Variants in CDK15 observed in about 807,000 individuals in gnomAD.
CDK15 encodes cyclin dependent kinase 15.
Under a neutral mutation model 60.3 loss-of-function variants are expected in CDK15, and 62 were observed. The observed-to-expected ratio is 1.03, with a 90% CI of 0.84 to 1.27. The LOEUF (loss-of-function observed/expected upper bound fraction) is 1.27, where lower values mean the gene tolerates loss of function less well. Among genes scored for constraint, CDK15 ranks in the 50% most tolerant of loss-of-function variants. CDK15 has a pLI of 0.00. For missense variants in CDK15, 541 were observed against 527.8 expected (o/e 1.03, Z -0.25); for synonymous variants, 194 against 195.7 (o/e 0.99, Z 0.07).
chr2:201,872,224 C>T, intron 10 of CDK15, 54 bp from the exon 11 acceptor site: 3 of 1,563,052 alleles, frequency 1.9e-6, no homozygotes, highest in Non-Finnish European at 2.6e-6. Flanking sequence ...GTATATTTGG[C>T]AACAGGGTTT....
At chr2:201,887,745 C>T (rs1173155444) in intron 12 of CDK15, among the ~76,000 whole-genome samples, 3 of 152,170 alleles carry the variant, frequency 2.0e-5, no homozygotes, top group African/African-American at 4.8e-5. Context: ...CTGCTTTAAT[C>T]GGAAATGTAT....
At chr2:201,871,073 G>A (rs1698835891) in intron 10 of CDK15, among the ~76,000 whole-genome samples, 1 of 152,076 alleles carries the variant, frequency 6.6e-6, no homozygotes, top group African/African-American at 2.4e-5. Flanking sequence ...CACCTATTTT[G>A]GAATATTCAA....
rs1367773330 is a variant in CDK15, at chr2:201,824,691, G to T, written c.606+964G>T. ...GAGTTAATAGTTCTAATGGAATGGT[G>T]AACCCAAGAGCCATATCAGCGCTAG... is the stretch of plus-strand genomic sequence containing the variant. On this transcript the variant is annotated intron_variant, in intron 6 of 13. Coordinates refer to ENST00000652192, the MANE Select transcript of CDK15 (RefSeq NM_001366386.2). 4 of 387,600 alleles carry T rather than the reference G, an allele frequency of 1.0e-5. No individual in the cohort carries two copies. In the East Asian group the frequency reaches 2.7e-4, roughly 27 times the overall value. The allele number at this position is 387,600 out of a possible 1,614,324, so 24.0% of individuals were successfully genotyped here. A position where few individuals can be genotyped will look rare whatever the true frequency, so the allele number is the denominator to read the frequency against.
chr2:201,818,302 C>G (rs558243220), intron 4 of CDK15, among the ~76,000 whole-genome samples: 6 of 152,104 alleles, frequency 3.9e-5, no homozygotes, highest in Non-Finnish European at 8.8e-5. Flanking sequence ...TCCTCTGGAG[C>G]CTTAAAGACA....
intron 6 of CDK15, among the ~76,000 whole-genome samples, chr2:201,827,515 G>A (rs1696561553): frequency 6.6e-6 from 1 of 152,134 alleles, no homozygotes. Context: ...TGAGTTGAGA[G>A]AAAATAATAT....
chr2:201,807,150 A>G (rs1695545508), intron 1 of CDK15, among the ~76,000 whole-genome samples: 1 of 152,184 alleles, frequency 6.6e-6, no homozygotes, highest in South Asian at 2.1e-4. Flanking sequence ...CATGATTATT[A>G]GCAATGCCAT....
At chr2:201,874,115 G>A (rs1183834895) in intron 11 of CDK15, among the ~76,000 whole-genome samples, 1 of 150,634 alleles carries the variant, frequency 6.6e-6, no homozygotes, top group African/African-American at 2.5e-5. Flanking sequence ...GGTGTTTAGA[G>A]GTATGTTGTC....
At chr2:201,816,444 C>T (rs1182711599) in intron 4 of CDK15, among the ~76,000 whole-genome samples, 6 of 139,484 alleles carry the variant, frequency 4.3e-5, no homozygotes, top group Non-Finnish European at 7.5e-5. Flanking sequence ...CATGTTGCTG[C>T]TAAGGAAATG....
intron 6 of CDK15, among the ~76,000 whole-genome samples, chr2:201,826,983 C>T (rs1696537028): frequency 6.6e-6 from 1 of 152,190 alleles, no homozygotes; most frequent in Admixed American, 6.5e-5. Context: ...GTTATAGAAC[C>T]AGCTTATGCC....
upstream of CDK15, chr2:201,806,498 A>G (rs1434713495): frequency 5.9e-6 from 4 of 679,786 alleles, no homozygotes; most frequent in Admixed American, 3.3e-5. Context: ...TCTTGCACTG[A>G]TAAGGAAAAA....
At position 201,826,628 on chromosome 2, in the gene CDK15, G is replaced by T. The variant is rs1280576306; in HGVS notation, c.606+2901G>T. Among the ~76,000 whole-genome samples, 4 of 152,108 alleles carry T rather than the reference G, an allele frequency of 2.6e-5. No homozygotes were observed. In the East Asian group the frequency reaches 5.8e-4, roughly 22 times the overall value. On this transcript the variant is annotated intron_variant, in intron 6 of 13. Transcript: ENST00000652192. ...GACCCCAGAGTCATGGTTTGTTAGG[G>T]TTAGAGGAAACACAGTGTTTTGCAA... is the stretch of plus-strand genomic sequence containing the variant.
chr2:201,890,684 T>C (rs1306251905), intron 12 of CDK15, 101 bp from the exon 13 acceptor site: 1 of 823,034 alleles, frequency 1.2e-6, no homozygotes, highest in African/African-American at 1.7e-5. Flanking sequence ...GGCTCATGTT[T>C]TGACATTTCT....
intron 11 of CDK15, among the ~76,000 whole-genome samples, chr2:201,874,740 C>T (rs1052372843): frequency 3.9e-5 from 6 of 152,134 alleles, no homozygotes; most frequent in South Asian, 4.2e-4. Flanking sequence ...CTAGTAGGTA[C>T]GCACTCACTT....
At chr2:201,885,107 A>G (rs983202632) in intron 12 of CDK15, among the ~76,000 whole-genome samples, 2 of 152,178 alleles carry the variant, frequency 1.3e-5, no homozygotes, top group African/African-American at 2.4e-5. Context: ...ATCATTCTGA[A>G]GTTGTCTTCT....
At chr2:201,826,670 G>C (rs1361726954) in intron 6 of CDK15, among the ~76,000 whole-genome samples, 1 of 152,114 alleles carries the variant, frequency 6.6e-6, no homozygotes, top group Non-Finnish European at 1.5e-5. Flanking sequence ...GGTTCCATTA[G>C]TGCGTTATGA....
chr2:201,846,230 C>T (rs62195468), intron 8 of CDK15, among the ~76,000 whole-genome samples: 3,172 of 152,220 alleles, frequency 0.021, 52 homozygotes, highest in Non-Finnish European at 0.033. Context: ...CAGTGGCTCA[C>T]ACCTGTGATC....
intron 4 of CDK15, among the ~76,000 whole-genome samples, chr2:201,813,285 A>G (rs1695853917): frequency 1.3e-5 from 2 of 152,200 alleles, no homozygotes. Flanking sequence ...TTCCTGGGTA[A>G]TGTCTTATTT....
intron 3 of CDK15, chr2:201,808,807 A>G (rs1178841276): frequency 5.3e-5 from 8 of 152,052 alleles, no homozygotes; most frequent in Non-Finnish European, 8.8e-5. Context: ...ATTTTATATA[A>G]CTACTACAAG....
intron 8 of CDK15, among the ~76,000 whole-genome samples, chr2:201,842,569 CCAA>C (rs1219679891): frequency 6.6e-6 from 1 of 152,098 alleles, no homozygotes; most frequent in East Asian, 1.9e-4. Flanking sequence ...TTCATTTCTC[CCAA>C]CAACATTTTG....
Sources: allele counts gnomAD v4.1 joint callset (sites outside exome capture counted in the v4.1 genomes callset), GRCh38; gene constraint gnomAD v4.1.1; transcripts MANE v1.5; gene names NCBI Gene and HGNC (gene_info 2026-07-23, HGNC 2026-07-21).